Variants in SOX5 observed in about 807,000 individuals in gnomAD.
The protein encoded by SOX5 is SRY-box transcription factor 5, also known as transcription factor SOX-5.
In SOX5, 9 loss-of-function variants were observed where a neutral mutation model predicts 92.0. The observed-to-expected ratio is 0.10, with a 90% CI of 0.06 to 0.17. The LOEUF is 0.17. SOX5 is among the 10% of genes least tolerant of loss of function. The pLI, the probability that SOX5 is intolerant of heterozygous loss-of-function variation, is 1.00. For missense variants in SOX5, 642 were observed against 944.5 expected (o/e 0.68, Z 4.20); for synonymous variants, 344 against 336.3 (o/e 1.02, Z -0.25).
At chr12:23,608,446 C>T (rs2075550435) in intron 8 of SOX5, among the ~76,000 whole-genome samples, 1 of 152,074 alleles carries the variant, frequency 6.6e-6, no homozygotes, top group Non-Finnish European at 1.5e-5. Flanking sequence ...TCCTGGTACT[C>T]AAAGTTCATA....
At chr12:23,944,712 G>A (rs1157943889) in intron 1 of SOX5, among the ~76,000 whole-genome samples, 2 of 152,146 alleles carry the variant, frequency 1.3e-5, no homozygotes, top group African/African-American at 4.8e-5. Context: ...GAAAGAGAAG[G>A]AAGGAGATAA....
intron 1 of SOX5, among the ~76,000 whole-genome samples, chr12:24,432,939 G>T (rs975321697): frequency 6.6e-6 from 1 of 152,116 alleles, no homozygotes; most frequent in Non-Finnish European, 1.5e-5. Context: ...AAGTCTAGAT[G>T]CATGTAACGG....
chr12:23,949,815 CCT>C (rs71059947), upstream of SOX5: 30 of 438,292 alleles, frequency 6.8e-5, no homozygotes, highest in South Asian at 6.5e-4. Context: ...TCCTTCCCCT[CCT>C]CTCTCTCCTA....
At chr12:23,697,809 C>A (rs1008481812) in intron 6 of SOX5, among the ~76,000 whole-genome samples, 1 of 152,098 alleles carries the variant, frequency 6.6e-6, no homozygotes, top group Non-Finnish European at 1.5e-5. Flanking sequence ...CCTTGGCCTC[C>A]CAAAGTGCTG....
intron 9 of SOX5, among the ~76,000 whole-genome samples, chr12:23,603,093 A>C (rs1371080006): frequency 6.6e-6 from 1 of 152,016 alleles, no homozygotes; most frequent in African/African-American, 2.4e-5. Flanking sequence ...TATATTCCCC[A>C]AAATATTTGT....
intron 1 of SOX5, among the ~76,000 whole-genome samples, chr12:24,405,536 A>G (rs1291427622): frequency 6.6e-6 from 1 of 152,174 alleles, no homozygotes; most frequent in African/African-American, 2.4e-5. Context: ...TCCTACATAT[A>G]AAATAAGCTA....
At chr12:24,531,416 C>T (rs1271021070) in intron 1 of SOX5, among the ~76,000 whole-genome samples, 1 of 152,124 alleles carries the variant, frequency 6.6e-6, no homozygotes, top group East Asian at 1.9e-4. Context: ...AAAATGGACA[C>T]ATTTTTGCAT....
At chr12:23,855,023 A>G (rs12579036) in intron 2 of SOX5, among the ~76,000 whole-genome samples, 19,670 of 151,910 alleles carry the variant, frequency 0.13, 1,326 homozygotes, top group South Asian at 0.16. Flanking sequence ...TAGCCTATAA[A>G]GATGAATAAA....
At chr12:24,048,620 C>A (rs1957265986) in intron 4 of SOX5, among the ~76,000 whole-genome samples, 1 of 152,100 alleles carries the variant, frequency 6.6e-6, no homozygotes, top group Non-Finnish European at 1.5e-5. Flanking sequence ...TATCCATCAA[C>A]TGATAAATGG....
chr12:23,710,855 C>T (rs1028274253), intron 6 of SOX5, among the ~76,000 whole-genome samples: 4 of 152,164 alleles, frequency 2.6e-5, no homozygotes, highest in African/African-American at 9.7e-5. Context: ...ACAGTCCCAC[C>T]AACAGGGTTA....
At chr12:23,743,091 C>A (rs1358393834) in intron 4 of SOX5, among the ~76,000 whole-genome samples, 1 of 151,866 alleles carries the variant, frequency 6.6e-6, no homozygotes, top group Non-Finnish European at 1.5e-5. Flanking sequence ...TATTTTGTAA[C>A]CATAAAAAAT....
chr12:23,815,511 T>C (rs141574817), intron 3 of SOX5, among the ~76,000 whole-genome samples: 287 of 152,324 alleles, frequency 1.9e-3, no homozygotes, highest in African/African-American at 6.7e-3. Context: ...ATGTCTTAAA[T>C]GGTCCATTGA....
At chr12:24,561,935 T>G (rs564337289) in intron 1 of SOX5, among the ~76,000 whole-genome samples, 1 of 152,300 alleles carries the variant, frequency 6.6e-6, no homozygotes, top group Non-Finnish European at 1.5e-5. Context: ...CGCACTCTCC[T>G]CTCGCATCAA....
At chr12:24,007,793 G>C (rs1296037454) in intron 4 of SOX5, among the ~76,000 whole-genome samples, 1 of 34,810 alleles carries the variant, frequency 2.9e-5, no homozygotes, top group African/African-American at 7.8e-5. Context: ...ACATACGCAC[G>C]CACACACACA....
intron 4 of SOX5, among the ~76,000 whole-genome samples, chr12:24,030,927 T>C (rs908119593): frequency 2.6e-5 from 4 of 151,670 alleles, no homozygotes; most frequent in African/African-American, 9.7e-5. Flanking sequence ...AAATGGCCAA[T>C]GGGTATATGA....
At chr12:24,119,570 T>C (rs1253666808) in intron 4 of SOX5, among the ~76,000 whole-genome samples, 2 of 152,132 alleles carry the variant, frequency 1.3e-5, no homozygotes, top group Admixed American at 1.3e-4. Flanking sequence ...TTTACCCTAA[T>C]TTTATACTAA....
intron 6 of SOX5, among the ~76,000 whole-genome samples, chr12:23,727,978 A>C (rs2093228067): frequency 1.3e-5 from 2 of 152,182 alleles, no homozygotes; most frequent in African/African-American, 4.8e-5. Context: ...AGAAATAAGA[A>C]GAATGAGTGG....
intron 1 of SOX5, among the ~76,000 whole-genome samples, chr12:24,524,016 A>G (rs1478571925): frequency 6.6e-5 from 10 of 152,336 alleles, no homozygotes; most frequent in African/African-American, 2.4e-4. Flanking sequence ...TGTCAACTTG[A>G]TTGGATTGAG....
intron 4 of SOX5, among the ~76,000 whole-genome samples, chr12:24,186,526 A>T (rs1259213466): frequency 2.0e-5 from 3 of 151,700 alleles, no homozygotes; most frequent in Non-Finnish European, 2.9e-5. Context: ...TAACTCCAGG[A>T]ATGGCAATGG....
Sources: allele counts gnomAD v4.1 joint callset (sites outside exome capture counted in the v4.1 genomes callset), GRCh38; gene constraint gnomAD v4.1.1; transcripts MANE v1.5; gene names NCBI Gene and HGNC (gene_info 2026-07-23, HGNC 2026-07-21).